TENM4: variants seen among roughly 807,000 people sequenced by gnomAD.
TENM4 encodes the protein teneurin-4.
TENM4 carries 82 observed loss-of-function variants against 243.3 expected under a neutral mutation model. The observed-to-expected ratio is 0.34, with a 90% CI of 0.28 to 0.40. The LOEUF is 0.40. Ranked by LOEUF, TENM4 falls within the 10% of genes least tolerant of loss-of-function variation. TENM4 has a pLI of 1.00. For missense variants in TENM4, 3,138 were observed against 3,673.3 expected, an observed-to-expected ratio of 0.85 and a Z score of 3.77; for synonymous variants, 1,412 against 1,456.3, an observed-to-expected ratio of 0.97 and a Z score of 0.69.
intron 1 of TENM4, among the ~76,000 whole-genome samples, chr11:79,415,230 T>C (rs972939819): frequency 1.3e-5 from 2 of 152,226 alleles, no homozygotes; most frequent in African/African-American, 2.4e-5. Context: ...ATCTGTGAAA[T>C]TAAAGCATGT....
intron 14 of TENM4, among the ~76,000 whole-genome samples, chr11:78,809,347 T>C (rs759603234): frequency 1.3e-5 from 2 of 152,200 alleles, no homozygotes; most frequent in Non-Finnish European, 2.9e-5. Flanking sequence ...TAAGGAAGAC[T>C]GCATCTCAGG....
intron 3 of TENM4, among the ~76,000 whole-genome samples, chr11:79,212,838 T>C (rs530744644): frequency 6.6e-6 from 1 of 152,280 alleles, no homozygotes; most frequent in Admixed American, 6.5e-5. Flanking sequence ...CTCCCAGCCG[T>C]TAAGCAGGAG....
At chr11:79,094,367 A>G (rs1465644423) in intron 4 of TENM4, among the ~76,000 whole-genome samples, 1 of 152,180 alleles carries the variant, frequency 6.6e-6, no homozygotes, top group Non-Finnish European at 1.5e-5. Context: ...ACTGATGAAG[A>G]CACGGAGCTC....
At chr11:78,912,932 A>G (rs1294890806) in intron 6 of TENM4, among the ~76,000 whole-genome samples, 2 of 152,214 alleles carry the variant, frequency 1.3e-5, no homozygotes, top group Non-Finnish European at 2.9e-5. Context: ...CGCTTATCCC[A>G]ATCAGCGGCT....
At chr11:79,201,900 G>T (rs1370857487) in intron 3 of TENM4, among the ~76,000 whole-genome samples, 1 of 152,190 alleles carries the variant, frequency 6.6e-6, no homozygotes, top group South Asian at 2.1e-4. Context: ...GAGACACTGG[G>T]GAGGCTGCTG....
chr11:78,887,021 A>C (rs1324012673), intron 9 of TENM4, among the ~76,000 whole-genome samples: 3 of 151,870 alleles, frequency 2.0e-5, no homozygotes, highest in African/African-American at 7.3e-5. Flanking sequence ...TCCTTCCTCT[A>C]CCCTTACCTT....
intron 2 of TENM4, among the ~76,000 whole-genome samples, chr11:79,270,095 C>A (rs540364620): frequency 1.3e-5 from 2 of 152,116 alleles, no homozygotes; most frequent in South Asian, 4.2e-4. Context: ...AGGTTCCCAT[C>A]CCCCTAGCAC....
At chr11:79,101,430 A>G (rs928506302) in intron 4 of TENM4, among the ~76,000 whole-genome samples, 1 of 152,226 alleles carries the variant, frequency 6.6e-6, no homozygotes, top group Admixed American at 6.5e-5. Context: ...TGACCTTGGC[A>G]TGCTCCAGGA....
intron 6 of TENM4, among the ~76,000 whole-genome samples, chr11:78,923,765 C>T (rs542643731): frequency 1.4e-4 from 19 of 135,572 alleles, no homozygotes; most frequent in African/African-American, 4.7e-4. Flanking sequence ...GTCTCAAACT[C>T]CTGACCTCAA....
chr11:79,049,958 CT>C (rs1591241472), intron 6 of TENM4, among the ~76,000 whole-genome samples: 1 of 152,120 alleles, frequency 6.6e-6, no homozygotes, highest in African/African-American at 2.4e-5. Context: ...TTTTTTTTCC[CT>C]TTTGCTGTAA....
In TENM4 at chr11:78,779,114, C is replaced by T. The variant is rs149797291; in HGVS notation, c.2366-486G>A. 3.9e-5 allele frequency among the ~76,000 whole-genome samples: 6 copies of T among 152,202 alleles called. No homozygotes were observed. The East Asian group carries it at 5.8e-4, about 15-fold the overall frequency. On this transcript the variant is annotated intron_variant, in intron 16 of 33. Transcript: ENST00000278550. ...TCCAAGAAGTTGGAATTTAGAAATA[C>T]GCAAAATTTGAATCATCTCTGATAT...
intron 2 of TENM4, among the ~76,000 whole-genome samples, chr11:79,289,687 T>C (rs531190479): frequency 3.9e-5 from 6 of 152,252 alleles, no homozygotes; most frequent in Admixed American, 6.5e-5. Context: ...ATCTCTGTCC[T>C]AGAGTCTGGT....
At chr11:79,036,345 C>T (rs898148798) in intron 6 of TENM4, among the ~76,000 whole-genome samples, 3 of 152,228 alleles carry the variant, frequency 2.0e-5, no homozygotes, top group Non-Finnish European at 4.4e-5. Context: ...TTTGATTGGC[C>T]AGACTTAAGC....
intron 18 of TENM4, among the ~76,000 whole-genome samples, chr11:78,759,902 T>C (rs978936427): frequency 3.9e-5 from 6 of 152,252 alleles, no homozygotes; most frequent in African/African-American, 1.4e-4. Flanking sequence ...AGGCATATAA[T>C]GTTCTTTAAG....
chr11:78,773,373 G>A lies in TENM4; in HGVS notation c.2393-2235C>T, dbSNP rs184573724. Among the ~76,000 whole-genome samples the A allele has an allele frequency of 2.4e-3, 371 of 152,208 alleles. 6 individuals are homozygous for A. Among genetic ancestry groups the A allele is most frequent in the Non-Finnish European group, 4.6e-4 (31 of 68,018 alleles). ...TTTACTTATAAAATGGGGTTTTGGG[G>A]GCGGTTAAGTAAGGTATGCATGATG... On this transcript the variant is annotated intron_variant, in intron 17 of 33. Transcript: ENST00000278550.
intron 3 of TENM4, among the ~76,000 whole-genome samples, chr11:79,164,587 T>C (rs1273560054): frequency 6.9e-6 from 1 of 145,812 alleles, no homozygotes; most frequent in Non-Finnish European, 1.5e-5. Context: ...TATATACATA[T>C]ATATATCTAT....
intron 12 of TENM4, among the ~76,000 whole-genome samples, chr11:78,834,975 C>T (rs1008365153): frequency 2.0e-5 from 3 of 152,196 alleles, no homozygotes; most frequent in Admixed American, 6.5e-5. Context: ...CGTGTCTCCA[C>T]ACTGCTAACT....
chr11:78,944,476 C>A (rs1262842238), intron 6 of TENM4, among the ~76,000 whole-genome samples: 6 of 152,204 alleles, frequency 3.9e-5, no homozygotes, highest in African/African-American at 1.4e-4. Flanking sequence ...CCTCAGTGTC[C>A]TCCCAGCCCA....
At chr11:78,989,722 C>G (rs538081087) in intron 6 of TENM4, among the ~76,000 whole-genome samples, 1 of 152,104 alleles carries the variant, frequency 6.6e-6, no homozygotes, top group Non-Finnish European at 1.5e-5. Context: ...AGCAGCAGTG[C>G]TTAATGAATG....
Sources: gnomAD v4.1 joint callset for allele counts (sites outside exome capture counted in the v4.1 genomes callset) on GRCh38, gnomAD v4.1.1 for gene constraint, MANE v1.5 for transcripts, NCBI Gene and HGNC (gene_info 2026-07-23, HGNC 2026-07-21) for gene names.